Variants in PXDNL observed in about 807,000 individuals in gnomAD.
The protein encoded by PXDNL is probable oxidoreductase PXDNL.
Under a neutral mutation model 150.8 loss-of-function variants are expected in PXDNL, and 145 were observed. The ratio of observed to expected loss-of-function variants is 0.96; its 90% confidence interval spans 0.84 to 1.10. The LOEUF (loss-of-function observed/expected upper bound fraction) is 1.10. PXDNL is among the 50% of genes least tolerant of loss of function. The pLI is 0.00. For synonymous variants in PXDNL, 757 were observed against 725.7 expected, an observed-to-expected ratio of 1.04 and a Z score of -0.69; for missense variants, 2,087 against 1,873.9, an observed-to-expected ratio of 1.11 and a Z score of -2.10.
At chr8:51,589,285 G>T (rs1326232230) in intron 3 of PXDNL, among the ~76,000 whole-genome samples, 1 of 152,134 alleles carries the variant, frequency 6.6e-6, no homozygotes, top group East Asian at 1.9e-4. Flanking sequence ...TTGAGAGGTG[G>T]ATCTGTTGTT....
chr8:51,339,881 T>A, intron 20 of PXDNL, 128 bp from the exon 21 acceptor site: 1 of 848,234 alleles, frequency 1.2e-6, no homozygotes, highest in Non-Finnish European at 1.8e-6. Flanking sequence ...TTTGTGATCT[T>A]AAAAGGAAAA....
intron 4 of PXDNL, among the ~76,000 whole-genome samples, chr8:51,508,461 G>A (rs747918358): frequency 5.9e-5 from 9 of 152,072 alleles, no homozygotes; most frequent in Admixed American, 1.3e-4. Flanking sequence ...GGAATGCGTC[G>A]GTTAGTCCCT....
intron 3 of PXDNL, among the ~76,000 whole-genome samples, chr8:51,558,380 A>G (rs1277117853): frequency 6.6e-6 from 1 of 152,044 alleles, no homozygotes; most frequent in African/African-American, 2.4e-5. Flanking sequence ...TATTCTGTAA[A>G]TGTACCCCAC....
chr8:51,545,474 T>C (rs1281360582), intron 4 of PXDNL, among the ~76,000 whole-genome samples: 1 of 150,960 alleles, frequency 6.6e-6, no homozygotes, highest in Non-Finnish European at 1.5e-5. Context: ...TTTGTACTGC[T>C]CTTAAAAAAA....
In PXDNL at chr8:51,809,425, G is replaced by C; in HGVS notation, c.-81C>G. 1 of 1,375,232 alleles carries C rather than the reference G, an allele frequency of 7.3e-7. No homozygotes were observed. The highest frequency in any genetic ancestry group is 9.6e-7 in the Non-Finnish European group (1 of 1,036,534). 85.2% of individuals were successfully genotyped at this position (1,375,232 alleles called of 1,614,324 possible). A position where few individuals can be genotyped will look rare whatever the true frequency, so the allele number is the denominator to read the frequency against. On this transcript the variant is annotated 5_prime_UTR_variant, in exon 1 of 23. Coordinates refer to ENST00000356297, the MANE Select transcript of PXDNL (RefSeq NM_144651.5). ...CAGCTGCAGCAGCAACCGCAGTGGTGGTGATGGTGGCTGCTGGACTGAGCC... is the reference window on the plus strand; with the variant it reads ...CAGCTGCAGCAGCAACCGCAGTGGTCGTGATGGTGGCTGCTGGACTGAGCC...
intron 2 of PXDNL, among the ~76,000 whole-genome samples, chr8:51,621,275 A>G (rs1051028913): frequency 4.7e-4 from 72 of 152,334 alleles, no homozygotes; most frequent in African/African-American, 1.6e-3. Flanking sequence ...ATAGTAATAC[A>G]CAAACATGTA....
At chr8:51,448,521 G>A (rs1026093170) in intron 11 of PXDNL, among the ~76,000 whole-genome samples, 29 of 152,010 alleles carry the variant, frequency 1.9e-4, no homozygotes, top group African/African-American at 6.8e-4. Context: ...TGGCTAACAC[G>A]GTGAAACCCC....
intron 21 of PXDNL, among the ~76,000 whole-genome samples, chr8:51,328,508 T>C (rs6996727): frequency 0.032 from 4,801 of 152,240 alleles, 241 homozygotes; most frequent in African/African-American, 0.11. Flanking sequence ...TCCAGAAATA[T>C]TGTTTAACCA....
chr8:51,801,866 G>C (rs1251497849), intron 1 of PXDNL, among the ~76,000 whole-genome samples: 1 of 152,208 alleles, frequency 6.6e-6, no homozygotes. Flanking sequence ...CTGGTAAGCT[G>C]TTGGGAAATC....
intron 17 of PXDNL, among the ~76,000 whole-genome samples, chr8:51,393,006 T>A (rs1389051772): frequency 1.3e-5 from 2 of 152,214 alleles, no homozygotes; most frequent in Non-Finnish European, 2.9e-5. Context: ...AATACTGAGT[T>A]ACATGTCACT....
chr8:51,320,926 T>C (rs890532443), intron 21 of PXDNL, 29 bp from the exon 22 acceptor site: 3 of 1,545,300 alleles, frequency 1.9e-6, no homozygotes, highest in East Asian at 2.2e-5. Context: ...GAAAGAAGAG[T>C]GGAAATTGAA....
intron 17 of PXDNL, among the ~76,000 whole-genome samples, chr8:51,401,496 G>A (rs749731345): frequency 4.6e-5 from 7 of 152,184 alleles, no homozygotes; most frequent in Admixed American, 6.5e-5. Flanking sequence ...CTTCTGTGAC[G>A]TAAAGAACAA....
intron 12 of PXDNL, among the ~76,000 whole-genome samples, chr8:51,434,282 T>C (rs1308163441): frequency 6.6e-6 from 1 of 152,224 alleles, no homozygotes; most frequent in Admixed American, 6.5e-5. Flanking sequence ...GTGATTTGCC[T>C]TTTTTCTCTG....
intron 1 of PXDNL, among the ~76,000 whole-genome samples, chr8:51,797,095 C>A (rs1247934229): frequency 6.6e-6 from 1 of 152,172 alleles, no homozygotes; most frequent in Non-Finnish European, 1.5e-5. Context: ...TCAATAGACA[C>A]AGAAAAGGCC....
intron 1 of PXDNL, among the ~76,000 whole-genome samples, chr8:51,685,487 G>A (rs1038088930): frequency 6.6e-6 from 1 of 152,148 alleles, no homozygotes; most frequent in African/African-American, 2.4e-5. Context: ...CCATATAGCT[G>A]GGCTCTCCTA....
At chr8:51,579,443 A>G (rs1813157783) in intron 3 of PXDNL, among the ~76,000 whole-genome samples, 1 of 152,030 alleles carries the variant, frequency 6.6e-6, no homozygotes. Context: ...AAATAGTGAC[A>G]ATGCAAAATG....
chr8:51,780,654 C>CTTTTTTT (rs71237240), intron 1 of PXDNL, among the ~76,000 whole-genome samples: 14 of 75,162 alleles, frequency 1.9e-4, no homozygotes, highest in African/African-American at 3.9e-4. Flanking sequence ...CTTTTCTTTT[C>CTTTTTTT]TTTTTTTTTT....
At chr8:51,550,221 G>A (rs992257768) in intron 4 of PXDNL, among the ~76,000 whole-genome samples, 1 of 152,016 alleles carries the variant, frequency 6.6e-6, no homozygotes, top group South Asian at 2.1e-4. Flanking sequence ...AAAAGTCCAG[G>A]ACCAGATGGA....
intron 4 of PXDNL, among the ~76,000 whole-genome samples, chr8:51,547,041 C>A (rs559190430): frequency 2.0e-5 from 3 of 152,314 alleles, no homozygotes; most frequent in Admixed American, 1.3e-4. Flanking sequence ...ATCCTGCCCC[C>A]ACCTGATGGT....
Sources: gnomAD v4.1 joint callset for allele counts (sites outside exome capture counted in the v4.1 genomes callset) on GRCh38, gnomAD v4.1.1 for gene constraint, MANE v1.5 for transcripts, NCBI Gene and HGNC (gene_info 2026-07-23, HGNC 2026-07-21) for gene names.